Variants in SQOR observed in about 807,000 individuals in gnomAD.
SQOR encodes the protein sulfide:quinone oxidoreductase, mitochondrial.
In SQOR, 39 loss-of-function variants were observed where a neutral mutation model predicts 48.6. That is an observed-to-expected ratio of 0.80 (90% CI 0.62 to 1.05). The LOEUF (loss-of-function observed/expected upper bound fraction) is 1.05, where lower values mean the gene tolerates loss of function less well. SQOR is among the 50% of genes least tolerant of loss of function. The pLI, the probability that SQOR is intolerant of heterozygous loss-of-function variation, is 0.00. For missense variants in SQOR, 561 were observed against 559.9 expected (o/e 1.00, Z -0.02); for synonymous variants, 220 against 206.2 (o/e 1.07, Z -0.57).
chr15:45,648,383 G>A (rs1889389045), intron 1 of SQOR, among the ~76,000 whole-genome samples: 1 of 151,942 alleles, frequency 6.6e-6, no homozygotes, highest in Admixed American at 6.6e-5. Flanking sequence ...TCACCATATT[G>A]GCCAGGATGG....
rs560267111 is a variant in SQOR, at chr15:45,651,351, C to T, written c.-17-7556C>T. Among the ~76,000 whole-genome samples, 6 of 152,200 alleles carry T rather than the reference C, an allele frequency of 3.9e-5. 1 individual carries two copies. Among genetic ancestry groups the T allele is most frequent in the South Asian group, 2.1e-4 (1 of 4,810 alleles). On this transcript the variant is annotated intron_variant, in intron 1 of 9. Coordinates refer to ENST00000260324, the MANE Select transcript of SQOR (RefSeq NM_021199.4). ...CCCAGAACTCGTGCTGGCCCGCGAGCGTCGCTGGCAGCCCCGGTTCCCGCC... is the reference window on the plus strand; with the variant it reads ...CCCAGAACTCGTGCTGGCCCGCGAGTGTCGCTGGCAGCCCCGGTTCCCGCC...
At chr15:45,679,517 G>A (rs1487211353) in intron 6 of SQOR, among the ~76,000 whole-genome samples, 1 of 152,128 alleles carries the variant, frequency 6.6e-6, no homozygotes, top group Non-Finnish European at 1.5e-5. Flanking sequence ...GCCTGGCCAA[G>A]ATGGTGAAAC....
rs558495120 is a variant in SQOR, at chr15:45,688,575, G to A, written c.1116+171G>A. ...TGCCCAGGCTGGAGTGCAATGGCAC[G>A]ATCTCAGCTCACCGCAACCTCCACC... On this transcript the variant is annotated intron_variant, in intron 8 of 9. Transcript: ENST00000260324. Among the ~76,000 whole-genome samples, 226 of 150,290 alleles carry A rather than the reference G, an allele frequency of 1.5e-3. 1 individual carries two copies. The highest frequency in any genetic ancestry group is 1.8e-3 in the Non-Finnish European group (120 of 67,754).
chr15:45,675,310 T>C (rs1196224424), intron 5 of SQOR, among the ~76,000 whole-genome samples: 1 of 152,182 alleles, frequency 6.6e-6, no homozygotes, highest in East Asian at 1.9e-4. Context: ...CTCTCTGATC[T>C]TAGGCATTTG....
intron 7 of SQOR, among the ~76,000 whole-genome samples, chr15:45,687,719 G>C (rs538813327): frequency 7.3e-5 from 11 of 151,320 alleles, no homozygotes; most frequent in African/African-American, 2.7e-4. Context: ...ATGTATGTAT[G>C]TATCTATCTG....
chr15:45,678,787 G>A lies in SQOR; in HGVS notation c.864+2477G>A, dbSNP rs772616130. Among the ~76,000 whole-genome samples the A allele has an allele frequency of 7.2e-5, 11 of 152,154 alleles. 1 individual carries two copies. The highest frequency in any genetic ancestry group is 4.1e-4 in the South Asian group (2 of 4,826). On this transcript the variant is annotated intron_variant, in intron 6 of 9. Coordinates refer to ENST00000260324, the MANE Select transcript of SQOR (RefSeq NM_021199.4). ...TTTCCTTTTTCCTGGCTGTCAGGCC[G>A]TTGTTAGTGACTTTGGGAGGTCCCT... is the stretch of plus-strand genomic sequence containing the variant.
intron 7 of SQOR, among the ~76,000 whole-genome samples, chr15:45,687,554 G>A (rs1890245579): frequency 6.6e-6 from 1 of 152,178 alleles, no homozygotes. Context: ...GGAGATTTAT[G>A]AGTGAACTGA....
intron 6 of SQOR, among the ~76,000 whole-genome samples, chr15:45,676,914 C>T (rs1014827832): frequency 6.6e-6 from 1 of 151,942 alleles, no homozygotes; most frequent in Admixed American, 6.6e-5. Flanking sequence ...GGTGGCACAT[C>T]CCTGTAATCC....
At chr15:45,638,438 A>G (rs1207665546) in intron 1 of SQOR, among the ~76,000 whole-genome samples, 1 of 152,124 alleles carries the variant, frequency 6.6e-6, no homozygotes, top group African/African-American at 2.4e-5. Flanking sequence ...TAAAAGAATA[A>G]TTAGCCAGGC....
intron 9 of SQOR, 132 bp downstream of exon 9, chr15:45,689,349 T>G (rs1019750461): frequency 1.3e-6 from 1 of 747,496 alleles, no homozygotes; most frequent in Admixed American, 3.1e-5. Flanking sequence ...AGGCCCTCTT[T>G]TGCTGCTGGA....
Position 45,689,197 on chromosome 15 carries a change from G to A in SQOR, c.1275G>A (p.Leu425=), listed in dbSNP as rs145142299. Residue 425 remains leucine (L), a synonymous_variant, in exon 9 of 10, where the codon CTG becomes CTA. Coordinates refer to ENST00000260324, the MANE Select transcript of SQOR (RefSeq NM_021199.4). ...TGAAAGCTGACCTGATGCCTTTCCTGTATTGGAATATGATGCTAAGGTAAG... is the reference window on the plus strand; with the variant it reads ...TGAAAGCTGACCTGATGCCTTTCCTATATTGGAATATGATGCTAAGGTAAG... ...YLMKADLMPF[L]YWNMMLRGYW... The A allele has an allele frequency of 3.7e-6, 6 of 1,613,872 alleles. No homozygotes were observed. In the Middle Eastern group the frequency reaches 6.6e-4, roughly 177 times the overall value.
At chr15:45,688,092 C>G (rs1190159334) in intron 7 of SQOR, among the ~76,000 whole-genome samples, 1 of 152,192 alleles carries the variant, frequency 6.6e-6, no homozygotes, top group Non-Finnish European at 1.5e-5. Flanking sequence ...TCCCTCCTTA[C>G]AGCCACACTG....
intron 1 of SQOR, among the ~76,000 whole-genome samples, chr15:45,642,485 C>T (rs1216537426): frequency 6.6e-6 from 1 of 152,180 alleles, no homozygotes; most frequent in African/African-American, 2.4e-5. Flanking sequence ...ACAGCTCTGG[C>T]CTGCACTTGG....
At chr15:45,687,825 T>C (rs1890250139) in intron 7 of SQOR, among the ~76,000 whole-genome samples, 1 of 152,252 alleles carries the variant, frequency 6.6e-6, no homozygotes, top group Non-Finnish European at 1.5e-5. Context: ...TCTCTATATC[T>C]ATAGATCTAT....
At chr15:45,670,197 G>A (rs1240948484) in intron 4 of SQOR, among the ~76,000 whole-genome samples, 1 of 152,170 alleles carries the variant, frequency 6.6e-6, no homozygotes, top group African/African-American at 2.4e-5. Flanking sequence ...GCTTTAATTA[G>A]AGTTCAGCAT....
At chr15:45,664,954 G>T (rs778391566) in intron 3 of SQOR, among the ~76,000 whole-genome samples, 3 of 152,088 alleles carry the variant, frequency 2.0e-5, no homozygotes, top group Non-Finnish European at 4.4e-5. Context: ...TCAATCACAA[G>T]GTTGAGCTTG....
At chr15:45,658,573 A>G (rs1889657885) in intron 1 of SQOR, among the ~76,000 whole-genome samples, 2 of 152,202 alleles carry the variant, frequency 1.3e-5, no homozygotes, top group Admixed American at 1.3e-4. Context: ...ATACAACCAG[A>G]TGGTGCCCTA....
chr15:45,666,931 C>G (rs1356542886), intron 3 of SQOR, among the ~76,000 whole-genome samples: 1 of 45,870 alleles, frequency 2.2e-5, no homozygotes, highest in Non-Finnish European at 4.7e-5. Context: ...ATCCCCTCCC[C>G]TCTCCTCTCC....
At chr15:45,662,551 G>A (rs956321965) in intron 3 of SQOR, among the ~76,000 whole-genome samples, 1 of 152,148 alleles carries the variant, frequency 6.6e-6, no homozygotes, top group East Asian at 1.9e-4. Context: ...CAGCCACCCT[G>A]GGGGGCGCTC....
Sources: gnomAD v4.1 joint callset for allele counts (sites outside exome capture counted in the v4.1 genomes callset) on GRCh38, gnomAD v4.1.1 for gene constraint, MANE v1.5 for transcripts, NCBI Gene and HGNC (gene_info 2026-07-23, HGNC 2026-07-21) for gene names.